Variants in ZNF654 observed in about 807,000 individuals in gnomAD.
The protein encoded by ZNF654 is zinc finger protein 654, also known as melanoma-associated antigen.
In ZNF654, 19 loss-of-function variants were observed where a neutral mutation model predicts 95.3. The observed-to-expected ratio is 0.20, with a 90% confidence interval of 0.14 to 0.29. The LOEUF is 0.29. Among genes scored for constraint, ZNF654 ranks in the 10% least tolerant of loss-of-function variants. The pLI is 1.00. For synonymous variants in ZNF654, 413 were observed against 457.9 expected, an observed-to-expected ratio of 0.90 and a Z score of 1.25; for missense variants, 1,046 against 1,341.0, an observed-to-expected ratio of 0.78 and a Z score of 3.44.
chr3:88,139,904 C>CT lies in ZNF654; in HGVS notation c.2238dup (p.Lys747Ter), dbSNP rs1707015196. The CT allele has an allele frequency of 6.2e-7, 1 of 1,613,166 alleles. No homozygotes were observed. The highest frequency in any genetic ancestry group is 1.3e-5 in the African/African-American group (1 of 74,890). On this transcript the variant is annotated frameshift_variant, in exon 8 of 9. Transcript: ENST00000636215. LOFTEE classifies it high-confidence loss of function. ...TATATGCCACAGATCAAGAAGGAAA[C>CT]TTTAAGTGTCCTGCTCTTGGTTGTG...
intron 2 of ZNF654, among the ~76,000 whole-genome samples, chr3:88,091,692 G>A (rs192318161): frequency 3.3e-5 from 5 of 152,200 alleles, no homozygotes; most frequent in Admixed American, 6.5e-5. Context: ...TCATGGGGTC[G>A]GGTTTTTCCT....
In ZNF654 at chr3:88,075,026, G is replaced by A. The variant is rs532131806; in HGVS notation, c.187-11231G>A. ...GACCATTTCCTCCTTCCTGAAAGTA[G>A]TATCCTAATTTCTGTCTTTTTGCAA... On this transcript the variant is annotated intron_variant, in intron 1 of 8. Transcript: ENST00000636215. Among the ~76,000 whole-genome samples the A allele has an allele frequency of 1.4e-4, 22 of 152,296 alleles. 1 individual carries two copies. The East Asian group carries it at 4.1e-3, about 28-fold the overall frequency.
At chr3:88,081,000 G>T (rs1232271929) in intron 1 of ZNF654, among the ~76,000 whole-genome samples, 1 of 152,062 alleles carries the variant, frequency 6.6e-6, no homozygotes, top group South Asian at 2.1e-4. Flanking sequence ...GTATTTAGTT[G>T]TTTCTCCTTA....
intron 1 of ZNF654, among the ~76,000 whole-genome samples, chr3:88,066,015 T>G (rs867300420): frequency 2.0e-5 from 3 of 152,366 alleles, no homozygotes; most frequent in Middle Eastern, 3.4e-3. Flanking sequence ...ATTACAGGCA[T>G]GAGCTACCGC....
rs377345613 is a variant in ZNF654, at chr3:88,140,447, A to T, written c.2778A>T (p.Thr926=). 6.2e-7 allele frequency: 1 copy of T among 1,613,540 alleles called. No individual in the cohort carries two copies. Among genetic ancestry groups the T allele is most frequent in the African/African-American group, 1.3e-5 (1 of 74,910 alleles). Residue 926 remains threonine, a synonymous_variant, in exon 8 of 9, where the codon ACA becomes ACT. Transcript: ENST00000636215. ...GGAAAGAGTCTACAGAACCAAAGAC[A>T]TGTATAGAAAGTATGGAAAAGAAAA... ...KSRKESTEPK[T]CIESMEKKTD...
chr3:88,132,536 A>G (rs1407174834), intron 6 of ZNF654, among the ~76,000 whole-genome samples: 1 of 152,206 alleles, frequency 6.6e-6, no homozygotes, highest in Admixed American at 6.5e-5. Flanking sequence ...CTGTACAACT[A>G]AAACCTCAGA....
intron 1 of ZNF654, among the ~76,000 whole-genome samples, chr3:88,069,127 G>C (rs1266332741): frequency 1.0e-5 from 1 of 98,652 alleles, no homozygotes; most frequent in African/African-American, 3.1e-5. Flanking sequence ...TTCCCCATCA[G>C]AAGTGATTCT....
intron 1 of ZNF654, among the ~76,000 whole-genome samples, chr3:88,070,217 T>C (rs1174551022): frequency 6.6e-6 from 1 of 152,162 alleles, no homozygotes; most frequent in Non-Finnish European, 1.5e-5. Context: ...GAATTATAAA[T>C]TTGGACACAA....
chr3:88,129,711 A>G lies in ZNF654; in HGVS notation c.778A>G (p.Ser260Gly), dbSNP rs1350636022. The G allele has an allele frequency of 6.6e-7, 1 of 1,506,834 alleles. No homozygotes were observed. The highest frequency in any genetic ancestry group is 2.0e-5 in the Admixed American group (1 of 48,838). The allele number at this position is 1,506,834 out of a possible 1,614,324, so 93.3% of individuals were successfully genotyped here. Residue 260 changes from serine (S) to glycine (G), a missense_variant, in exon 6 of 9, where the codon AGT (serine) becomes GGT (glycine). Ser to Gly is a moderately conservative substitution (Grantham distance 56, BLOSUM62 0). Coordinates refer to ENST00000636215, the MANE Select transcript of ZNF654 (RefSeq NM_001350134.2). ...GCATTTATTGAAAACTGATTGTAAGAGTGGAATTGATATCATCTGTAATGC... is the reference window on the plus strand; with the variant it reads ...GCATTTATTGAAAACTGATTGTAAGGGTGGAATTGATATCATCTGTAATGC... Reference protein sequence around the residue: ...REHLLKTDCKSGIDIICNAEK... With the variant: ...REHLLKTDCKGGIDIICNAEK...
chr3:88,073,834 T>G (rs1188421793), intron 1 of ZNF654, among the ~76,000 whole-genome samples: 1 of 152,188 alleles, frequency 6.6e-6, no homozygotes, highest in Non-Finnish European at 1.5e-5. Context: ...TTTATCCCTA[T>G]TTAATAAGAG....
At chr3:88,133,896 A>G (rs1706611280) in intron 6 of ZNF654, among the ~76,000 whole-genome samples, 2 of 152,178 alleles carry the variant, frequency 1.3e-5, no homozygotes, top group African/African-American at 4.8e-5. Context: ...GATTAGAACC[A>G]GACCAGAATA....
Position 88,142,613 on chromosome 3 carries a change from C to T in ZNF654, c.*961C>T, listed in dbSNP as rs1707187338. On this transcript the variant is annotated 3_prime_UTR_variant, in exon 9 of 9. Transcript: ENST00000636215. ...GACATTAATGTGAGTTATCTAAGTACAGTCCTATTAAAATAACTGGCTCAA... is the reference window on the plus strand; with the variant it reads ...GACATTAATGTGAGTTATCTAAGTATAGTCCTATTAAAATAACTGGCTCAA... 6.6e-6 allele frequency: 1 copy of T among 152,330 alleles called. No homozygotes were observed. The highest frequency in any genetic ancestry group is 1.5e-5 in the Non-Finnish European group (1 of 67,840). 9.4% of individuals were successfully genotyped at this position (152,330 alleles called of 1,614,324 possible).
intron 2 of ZNF654, among the ~76,000 whole-genome samples, chr3:88,093,076 A>T (rs971114955): frequency 6.6e-6 from 1 of 152,214 alleles, no homozygotes; most frequent in Admixed American, 6.5e-5. Flanking sequence ...TTTTCTGAAG[A>T]AACAGAGATT....
chr3:88,077,299 G>A (rs1220722528), intron 1 of ZNF654, among the ~76,000 whole-genome samples: 2 of 150,696 alleles, frequency 1.3e-5, no homozygotes, highest in Non-Finnish European at 3.0e-5. Flanking sequence ...TATGTTGGTA[G>A]TTACAAAAAA....
At chr3:88,130,582 C>T (rs1481257234) in intron 6 of ZNF654, among the ~76,000 whole-genome samples, 2 of 150,088 alleles carry the variant, frequency 1.3e-5, no homozygotes, top group East Asian at 3.9e-4. Context: ...TCCTCAGTAG[C>T]TGGGACTACA....
At chr3:88,106,322 T>C (rs1408726412) in intron 2 of ZNF654, among the ~76,000 whole-genome samples, 1 of 152,142 alleles carries the variant, frequency 6.6e-6, no homozygotes, top group Non-Finnish European at 1.5e-5. Flanking sequence ...GTTGAAAATG[T>C]ATATTTTTTT....
At chr3:88,141,156 G>T in intron 8 of ZNF654, 108 bp downstream of exon 8, 1 of 1,276,142 alleles carries the variant, frequency 7.8e-7, no homozygotes, top group Non-Finnish European at 1.1e-6. Context: ...GTGTAGCACA[G>T]GTAGTGAAGC....
chr3:88,071,366 C>T (rs182518359), intron 1 of ZNF654, among the ~76,000 whole-genome samples: 36 of 152,126 alleles, frequency 2.4e-4, no homozygotes, highest in Admixed American at 1.8e-3. Context: ...AAAAATTGGC[C>T]GGGTGCAGTG....
intron 1 of ZNF654, among the ~76,000 whole-genome samples, chr3:88,080,998 T>C (rs763599062): frequency 1.3e-5 from 2 of 152,212 alleles, no homozygotes; most frequent in Non-Finnish European, 2.9e-5. Context: ...TTGTATTTAG[T>C]TGTTTCTCCT....
Sources: allele counts gnomAD v4.1 joint callset (sites outside exome capture counted in the v4.1 genomes callset), GRCh38; gene constraint gnomAD v4.1.1; transcripts MANE v1.5; gene names NCBI Gene and HGNC (gene_info 2026-07-23, HGNC 2026-07-21).